LMNB1: variants seen among roughly 807,000 people sequenced by gnomAD.
LMNB1 encodes lamin-B1.
In LMNB1, 23 loss-of-function variants were observed where a neutral mutation model predicts 67.1. That is an observed-to-expected ratio of 0.34 (90% CI 0.25 to 0.49). The LOEUF is 0.49. Ranked by LOEUF, LMNB1 falls within the 20% of genes least tolerant of loss-of-function variation. The pLI, the probability that LMNB1 is intolerant of heterozygous loss-of-function variation, is 0.99. For missense variants in LMNB1, 634 were observed against 746.5 expected (o/e 0.85, Z 1.76); for synonymous variants, 281 against 282.9 (o/e 0.99, Z 0.07).
chr5:126,782,594 G>C (rs1750658196), intron 1 of LMNB1, among the ~76,000 whole-genome samples: 1 of 152,194 alleles, frequency 6.6e-6, no homozygotes, highest in South Asian at 2.1e-4. Flanking sequence ...CTTTTGCCCA[G>C]GCTGGAGTGC....
In LMNB1 at chr5:126,836,215, C is replaced by T; in HGVS notation, c.1720-8C>T. The T allele has an allele frequency of 6.2e-7, 1 of 1,603,720 alleles. No homozygotes were observed. Among genetic ancestry groups the T allele is most frequent in the South Asian group, 1.1e-5 (1 of 90,278 alleles). On this transcript the variant is annotated splice_region_variant and splice_polypyrimidine_tract_variant and intron_variant, in intron 10 of 10. Transcript: ENST00000261366. Reference sequence around the variant, plus strand: ...AGTATTAATTTTTCCTTCTGTTTTCCTCATCAGGGAACCCCAAGAGCATCC... The same window carrying T: ...AGTATTAATTTTTCCTTCTGTTTTCTTCATCAGGGAACCCCAAGAGCATCC...
At position 126,819,083 on chromosome 5, in the gene LMNB1, G is replaced by A. The variant is rs572753090; in HGVS notation, c.1101G>A (p.Lys367=). 32 of 1,614,186 alleles carry A rather than the reference G, an allele frequency of 2.0e-5. No individual in the cohort carries two copies. The South Asian group carries it at 3.4e-4, about 17-fold the overall frequency. The change falls in exon 6 of 11, where the codon AAG becomes AAA. Residue 367 remains lysine (K), a synonymous_variant. Coordinates refer to ENST00000261366, the MANE Select transcript of LMNB1 (RefSeq NM_005573.4). ...LNDYEQLLDV[K]LALDMEISAY... is the part of the protein sequence containing the mutation. Reference sequence around the variant, plus strand: ...ACTATGAACAGCTTCTTGATGTAAAGTTAGCCCTGGACATGGAAATCAGTG... The same window carrying A: ...ACTATGAACAGCTTCTTGATGTAAAATTAGCCCTGGACATGGAAATCAGTG...
intron 5 of LMNB1, among the ~76,000 whole-genome samples, chr5:126,818,239 CTT>C (rs376846973): frequency 5.2e-5 from 7 of 134,122 alleles, no homozygotes; most frequent in African/African-American, 8.3e-5. Context: ...GTGTTTATAT[CTT>C]TTTTTTTTTT....
At position 126,836,503 on chromosome 5, in the gene LMNB1, C is replaced by G. The variant is rs1051644; in HGVS notation, c.*239C>G. The G allele has an allele frequency of 5.3e-6, 2 of 374,156 alleles. No homozygotes were observed. Among genetic ancestry groups the G allele is most frequent in the Non-Finnish European group, 9.5e-6 (2 of 211,284 alleles). 23.2% of individuals were successfully genotyped at this position (374,156 alleles called of 1,614,324 possible). A position where few individuals can be genotyped will look rare whatever the true frequency, so the allele number is the denominator to read the frequency against. On this transcript the variant is annotated 3_prime_UTR_variant, in exon 11 of 11. Coordinates refer to ENST00000261366, the MANE Select transcript of LMNB1 (RefSeq NM_005573.4). ...CTGAACTTAATAACTGTGTACTGTT[C>G]GGAAGGGGTTCCTCAAATTTTTTGA...
intron 8 of LMNB1, among the ~76,000 whole-genome samples, chr5:126,824,932 C>T (rs1031719041): frequency 2.1e-5 from 3 of 139,722 alleles, no homozygotes; most frequent in African/African-American, 8.0e-5. Flanking sequence ...AAGTGATCTG[C>T]CCGCCTCGGC....
At chr5:126,781,775 T>G (rs929436278) in intron 1 of LMNB1, among the ~76,000 whole-genome samples, 3 of 152,178 alleles carry the variant, frequency 2.0e-5, no homozygotes, top group Non-Finnish European at 4.4e-5. Context: ...TGTTTGTAAT[T>G]AAGTATAATC....
At chr5:126,791,267 G>A (rs1750950125) in intron 1 of LMNB1, among the ~76,000 whole-genome samples, 1 of 151,798 alleles carries the variant, frequency 6.6e-6, no homozygotes, top group Non-Finnish European at 1.5e-5. Context: ...TTCAGTTGTT[G>A]GAAATTTTCT....
At chr5:126,812,305 G>A (rs1751597599) in intron 5 of LMNB1, among the ~76,000 whole-genome samples, 1 of 152,214 alleles carries the variant, frequency 6.6e-6, no homozygotes. Flanking sequence ...TGTGGGTGGT[G>A]AATGCTTTGT....
chr5:126,835,973 G>T (rs71587923), intron 10 of LMNB1, among the ~76,000 whole-genome samples: 4,149 of 152,244 alleles, frequency 0.027, 91 homozygotes, highest in Admixed American at 0.043. Context: ...TTGAACCCAG[G>T]AGGTAGAGGT....
chr5:126,816,120 AAAAG>A (rs766257259), intron 5 of LMNB1, among the ~76,000 whole-genome samples: 5 of 152,236 alleles, frequency 3.3e-5, no homozygotes, highest in East Asian at 1.9e-4. Context: ...CTTTTGGAGA[AAAAG>A]AAAATACAAG....
chr5:126,788,147 G>A (rs905752865), intron 1 of LMNB1, among the ~76,000 whole-genome samples: 1 of 152,096 alleles, frequency 6.6e-6, no homozygotes, highest in African/African-American at 2.4e-5. Flanking sequence ...GGGTGCCTGA[G>A]TAGACAATAT....
At chr5:126,780,636 T>G (rs1184762311) in intron 1 of LMNB1, among the ~76,000 whole-genome samples, 1 of 151,970 alleles carries the variant, frequency 6.6e-6, no homozygotes, top group Admixed American at 6.6e-5. Context: ...GTCTGAGGAG[T>G]TGACAGTACC....
chr5:126,778,266 T>C (rs1187336890), intron 1 of LMNB1, among the ~76,000 whole-genome samples: 2 of 151,698 alleles, frequency 1.3e-5, no homozygotes, highest in African/African-American at 4.8e-5. Context: ...CGCGCCCCAG[T>C]TTCCGGCCGG....
intron 9 of LMNB1, among the ~76,000 whole-genome samples, chr5:126,827,646 CAAAT>C (rs1426025556): frequency 6.6e-6 from 1 of 152,084 alleles, no homozygotes; most frequent in Non-Finnish European, 1.5e-5. Context: ...GACTGTGTCT[CAAAT>C]AAATAAATAA....
intron 1 of LMNB1, among the ~76,000 whole-genome samples, chr5:126,779,771 G>A (rs944630477): frequency 5.9e-5 from 9 of 152,070 alleles, no homozygotes; most frequent in African/African-American, 1.9e-4. Context: ...GGGGGCTCAC[G>A]CCTGTAATCC....
chr5:126,779,394 T>C (rs1750565932), intron 1 of LMNB1, among the ~76,000 whole-genome samples: 1 of 152,192 alleles, frequency 6.6e-6, no homozygotes, highest in Non-Finnish European at 1.5e-5. Context: ...TAAGCCTTGG[T>C]TTCATCTTTT....
Position 126,826,116 on chromosome 5 carries a change from A to G in LMNB1, c.1611+9A>G, listed in dbSNP as rs775997602. 1.2e-6 allele frequency: 2 copies of G among 1,606,252 alleles called. No homozygotes were observed. The highest frequency in any genetic ancestry group is 1.1e-5 in the South Asian group (1 of 90,366). On this transcript the variant is annotated intron_variant, in intron 9 of 10. Coordinates refer to ENST00000261366, the MANE Select transcript of LMNB1 (RefSeq NM_005573.4). ...AAAATTCTCAGGGAGAGGTATGGCC[A>G]GTTTATCAGGACCACCACAATGTTA...
intron 1 of LMNB1, among the ~76,000 whole-genome samples, chr5:126,787,546 A>ATATATATATATATTTTT: frequency 7.6e-5 from 5 of 65,572 alleles, no homozygotes; most frequent in East Asian, 6.6e-4. Flanking sequence ...ATATATATAT[A>ATATATATATATATTTTT]TTTTTTTTTT....
chr5:126,787,189 T>C (rs1483204160), intron 1 of LMNB1, among the ~76,000 whole-genome samples: 1 of 152,010 alleles, frequency 6.6e-6, no homozygotes, highest in African/African-American at 2.4e-5. Flanking sequence ...AGTATACTAA[T>C]AAAATATATT....
Sources: allele counts gnomAD v4.1 joint callset (sites outside exome capture counted in the v4.1 genomes callset), GRCh38; gene constraint gnomAD v4.1.1; transcripts MANE v1.5; gene names NCBI Gene and HGNC (gene_info 2026-07-23, HGNC 2026-07-21).